PLA2R1: variants seen among roughly 807,000 people sequenced by gnomAD.
PLA2R1 encodes the protein phospholipase A2 receptor 1.
A neutral mutation model predicts 195.9 loss-of-function variants in PLA2R1; 158 were observed. The ratio of observed to expected loss-of-function variants is 0.81; its 90% CI spans 0.71 to 0.92. The LOEUF (loss-of-function observed/expected upper bound fraction) is 0.92, where lower values mean the gene tolerates loss of function less well. PLA2R1 is among the 40% of genes least tolerant of loss of function. The pLI is 0.00. For missense variants in PLA2R1, 1,626 were observed against 1,764.6 expected, an observed-to-expected ratio of 0.92 and a Z score of 1.41; for synonymous variants, 586 against 598.2, an observed-to-expected ratio of 0.98 and a Z score of 0.30.
chr2:160,044,731 A>T (rs1000184543), intron 2 of PLA2R1, 43 bp downstream of exon 2: 2 of 1,551,132 alleles, frequency 1.3e-6, no homozygotes, highest in Non-Finnish European at 1.8e-6. Context: ...GGCAAACCTT[A>T]AAAAAACACC....
chr2:160,024,000 G>A (rs1316886598), intron 6 of PLA2R1, among the ~76,000 whole-genome samples: 1 of 150,632 alleles, frequency 6.6e-6, no homozygotes, highest in Non-Finnish European at 1.5e-5. Flanking sequence ...ACACCACCAG[G>A]GTCACCTACA....
intron 8 of PLA2R1, among the ~76,000 whole-genome samples, chr2:160,018,854 G>A (rs1343863987): frequency 1.3e-5 from 2 of 152,224 alleles, no homozygotes; most frequent in Non-Finnish European, 2.9e-5. Context: ...TAAGTGCTTA[G>A]AAATGCTTCC....
chr2:160,048,838 A>ATTTT (rs1205003993), intron 1 of PLA2R1, among the ~76,000 whole-genome samples: 1 of 127,832 alleles, frequency 7.8e-6, no homozygotes, highest in Non-Finnish European at 1.6e-5. Context: ...TAGAAGAAAC[A>ATTTT]TTTTTTTTTT....
the PLA2R1 span, among the ~76,000 whole-genome samples, chr2:159,926,224 T>A: frequency 6.6e-6 from 1 of 152,256 alleles, no homozygotes; most frequent in Non-Finnish European, 1.5e-5. Context: ...CTACCTCATG[T>A]ATTATAAATC....
At chr2:160,005,041 T>A (rs1475014446) in intron 11 of PLA2R1, among the ~76,000 whole-genome samples, 2 of 152,076 alleles carry the variant, frequency 1.3e-5, no homozygotes, top group Non-Finnish European at 1.5e-5. Context: ...GGGGTGCAGG[T>A]GGGGAGAAAG....
chr2:160,011,717 T>C (rs536329178), intron 10 of PLA2R1, among the ~76,000 whole-genome samples: 2 of 152,338 alleles, frequency 1.3e-5, no homozygotes, highest in South Asian at 4.1e-4. Context: ...GTTGACTCAC[T>C]GACTGGGGGA....
chr2:160,001,026 T>C (rs1691552677), intron 11 of PLA2R1, among the ~76,000 whole-genome samples: 1 of 152,114 alleles, frequency 6.6e-6, no homozygotes, highest in Non-Finnish European at 1.5e-5. Context: ...ACCAACCATC[T>C]TCAGGTTGCG....
At chr2:160,011,961 T>C (rs72957276) in intron 10 of PLA2R1, among the ~76,000 whole-genome samples, 27 of 31,168 alleles carry the variant, frequency 8.7e-4, no homozygotes, top group Non-Finnish European at 1.7e-3. Context: ...TGTGTGTGCG[T>C]GTGTCTGTTT....
chr2:159,999,404 G>A lies in PLA2R1; in HGVS notation c.1834+6248C>T, dbSNP rs1247216142. ...TTTTGAGACGGAGTCTCGCTCTGTCGCCCAGGCTGGAGTGCAGTGGCGGGA... is the reference window on the plus strand; with the variant it reads ...TTTTGAGACGGAGTCTCGCTCTGTCACCCAGGCTGGAGTGCAGTGGCGGGA... On this transcript the variant is annotated intron_variant, in intron 11 of 29. Transcript: ENST00000283243. Among the ~76,000 whole-genome samples, 4 of 2,528 alleles carry A rather than the reference G, an allele frequency of 1.6e-3. 1 individual carries two copies. The highest frequency in any genetic ancestry group is 9.4e-3 in the South Asian group (4 of 424). 1.7% of individuals were successfully genotyped at this position (2,528 alleles called of 152,430 possible).
In PLA2R1 at chr2:160,062,349, A is replaced by G; in HGVS notation, c.55T>C (p.Cys19Arg). 2 of 1,534,852 alleles carry G rather than the reference A, an allele frequency of 1.3e-6. No individual in the cohort carries two copies. Among genetic ancestry groups the G allele is most frequent in the Non-Finnish European group, 8.8e-7 (1 of 1,140,632 alleles). ...AGCGCCGCCGCCACACCCTCGGCGC[A>G]GCCCCGCGGCGCCCCCAGCAGCAGC... The part of the protein sequence containing the change: ...LLLLLGAPRG[C>R]AEGVAAALTP... The change falls in exon 1 of 30, where the codon TGC becomes CGC. Residue 19 changes from cysteine to arginine, a missense_variant. Transcript: ENST00000283243.
At chr2:159,962,302 A>G (rs960592503) in intron 20 of PLA2R1, among the ~76,000 whole-genome samples, 1 of 152,258 alleles carries the variant, frequency 6.6e-6, no homozygotes, top group Non-Finnish European at 1.5e-5. Context: ...ATCACTTGTC[A>G]TTAGAGAAAT....
At chr2:160,060,741 C>T (rs1047152353) in intron 1 of PLA2R1, among the ~76,000 whole-genome samples, 4 of 152,190 alleles carry the variant, frequency 2.6e-5, no homozygotes, top group South Asian at 2.1e-4. Context: ...GCCCTTCACT[C>T]GGAGGATCAC....
intron 20 of PLA2R1, among the ~76,000 whole-genome samples, chr2:159,965,043 G>A (rs1390906727): frequency 3.4e-5 from 5 of 149,208 alleles, no homozygotes; most frequent in Admixed American, 2.7e-4. Flanking sequence ...AACCAGGAAG[G>A]TACAGAGATT....
At chr2:160,059,732 G>A (rs1160132560) in intron 1 of PLA2R1, among the ~76,000 whole-genome samples, 3 of 152,198 alleles carry the variant, frequency 2.0e-5, no homozygotes, top group African/African-American at 7.2e-5. Context: ...CAACATGGCT[G>A]GGGAGTCCTC....
chr2:159,983,027 C>T (rs1176227869), intron 13 of PLA2R1, among the ~76,000 whole-genome samples: 1 of 152,030 alleles, frequency 6.6e-6, no homozygotes, highest in Non-Finnish European at 1.5e-5. Flanking sequence ...AAGAACATTC[C>T]AAAGTGAGAG....
chr2:160,047,259 C>G (rs1283432917), intron 1 of PLA2R1, among the ~76,000 whole-genome samples: 2 of 152,140 alleles, frequency 1.3e-5, no homozygotes, highest in African/African-American at 2.4e-5. Flanking sequence ...ATGGTACTGA[C>G]CTCTTAGGGA....
Position 159,987,220 on chromosome 2 carries a change from C to T in PLA2R1, c.1973G>A (p.Arg658Lys), listed in dbSNP as rs767897538. ...ENQEKAEYEE[R>K]WPFHPCYLDW... is the part of the protein sequence containing the mutation. ...CAAATAGCAGGGGTGAAAGGGCCAT[C>T]TCTCTTCATACTCTGCTTTTTCCTG... Residue 658 changes from arginine (R) to lysine (K), a missense_variant, in exon 12 of 30, where the codon AGA becomes AAA. Physicochemically the swap from Arg to Lys is conservative, Grantham distance 26 (BLOSUM62 2). Transcript: ENST00000283243. 1 of 1,613,780 alleles carries T rather than the reference C, an allele frequency of 6.2e-7. No homozygotes were observed. The highest frequency in any genetic ancestry group is 1.1e-5 in the South Asian group (1 of 91,082).
chr2:159,976,685 C>A lies in PLA2R1; in HGVS notation c.2437G>T (p.Asp813Tyr), dbSNP rs750945145. Residue 813 changes from aspartate to tyrosine, a missense_variant and splice_region_variant, in exon 16 of 30, where the codon GAT becomes TAT. Coordinates refer to ENST00000283243, the MANE Select transcript of PLA2R1 (RefSeq NM_007366.5). ...CAAGAGCTGCCAGAGTCATTCTTAC[C>A]GTACTGGTACCAGAACGGAATCTTG... ...KPKIPFWYQYDVPWLFYQDAE... is the reference protein window; with the variant it reads ...KPKIPFWYQYYVPWLFYQDAE... The A allele has an allele frequency of 1.3e-6, 2 of 1,599,274 alleles. No individual in the cohort carries two copies. The highest frequency in any genetic ancestry group is 4.5e-5 in the East Asian group (2 of 44,740).
At chr2:159,976,799 C>G (rs998373794) in intron 15 of PLA2R1, 79 bp from the exon 16 acceptor site, 2 of 1,037,386 alleles carry the variant, frequency 1.9e-6, no homozygotes, top group Non-Finnish European at 3.0e-6. Context: ...GCTCTAAACA[C>G]ACTATTTTGT....
Sources: allele counts gnomAD v4.1 joint callset (sites outside exome capture counted in the v4.1 genomes callset), GRCh38; gene constraint gnomAD v4.1.1; transcripts MANE v1.5; gene names NCBI Gene and HGNC (gene_info 2026-07-23, HGNC 2026-07-21).